The following MARCHF1 variants were observed in gnomAD, a reference collection of about 807,000 sequenced individuals.
MARCHF1 encodes membrane associated ring-CH-type finger 1.
A neutral mutation model predicts 54.2 loss-of-function variants in MARCHF1; 40 were observed. That is an observed-to-expected ratio of 0.74 (90% CI 0.57 to 0.96). The LOEUF (loss-of-function observed/expected upper bound fraction) is 0.96, where lower values mean the gene tolerates loss of function less well. Among genes scored for constraint, MARCHF1 ranks in the 40% least tolerant of loss-of-function variants. MARCHF1 has a pLI of 0.00. For synonymous variants in MARCHF1, 236 were observed against 236.3 expected, an observed-to-expected ratio of 1.00 and a Z score of 0.01; for missense variants, 586 against 656.5, an observed-to-expected ratio of 0.89 and a Z score of 1.17.
chr4:163,941,997 T>C (rs1225333103), intron 3 of MARCHF1, among the ~76,000 whole-genome samples: 1 of 152,170 alleles, frequency 6.6e-6, no homozygotes, highest in East Asian at 1.9e-4. Context: ...CCAAGTCAAA[T>C]ATTTGATACA....
intron 8 of MARCHF1, among the ~76,000 whole-genome samples, chr4:163,571,549 T>C (rs1235089395): frequency 6.6e-6 from 1 of 152,146 alleles, no homozygotes; most frequent in African/African-American, 2.4e-5. Context: ...AGCAATCTTT[T>C]GGGAAATAAT....
At chr4:164,160,485 T>C (rs1448909396) in intron 1 of MARCHF1, among the ~76,000 whole-genome samples, 1 of 152,202 alleles carries the variant, frequency 6.6e-6, no homozygotes, top group Non-Finnish European at 1.5e-5. Context: ...CCATAGGTCA[T>C]CACGTGGCAC....
chr4:164,330,187 A>C (rs1223444336), intron 1 of MARCHF1: 1 of 138,696 alleles, frequency 7.2e-6, no homozygotes, highest in East Asian at 2.9e-4. Context: ...AAAAAAAAAA[A>C]AACAAAAACA....
chr4:163,900,131 T>G (rs1244670516), intron 3 of MARCHF1, among the ~76,000 whole-genome samples: 2 of 152,140 alleles, frequency 1.3e-5, no homozygotes, highest in Non-Finnish European at 1.5e-5. Context: ...CTAATATTTA[T>G]TGTTTATCCA....
At chr4:163,949,374 G>C (rs546885175) in intron 3 of MARCHF1, among the ~76,000 whole-genome samples, 1 of 152,270 alleles carries the variant, frequency 6.6e-6, no homozygotes, top group South Asian at 2.1e-4. Flanking sequence ...CCCCAAAGAG[G>C]GTGTCACAGC....
intron 1 of MARCHF1, among the ~76,000 whole-genome samples, chr4:164,226,085 T>G (rs1732244616): frequency 1.3e-5 from 2 of 152,042 alleles, no homozygotes; most frequent in South Asian, 4.1e-4. Flanking sequence ...ATTTTCTTTT[T>G]TTCTCGTATT....
At chr4:164,185,809 C>CT (rs1730954307) in intron 1 of MARCHF1, among the ~76,000 whole-genome samples, 3 of 149,522 alleles carry the variant, frequency 2.0e-5, no homozygotes, top group African/African-American at 4.9e-5. Context: ...CACACACACA[C>CT]AAAAAAAAAA....
At chr4:164,275,879 T>C (rs1465205110) in intron 1 of MARCHF1, among the ~76,000 whole-genome samples, 1 of 152,202 alleles carries the variant, frequency 6.6e-6, no homozygotes, top group Non-Finnish European at 1.5e-5. Flanking sequence ...TGACATTGCC[T>C]TTTAGTTGGA....
At chr4:163,878,640 A>G (rs1338565894) in intron 3 of MARCHF1, among the ~76,000 whole-genome samples, 2 of 152,056 alleles carry the variant, frequency 1.3e-5, no homozygotes, top group African/African-American at 2.4e-5. Context: ...GATGGTGAGA[A>G]GGAATGTAGG....
At chr4:164,261,134 A>G (rs1448322015) in intron 1 of MARCHF1, among the ~76,000 whole-genome samples, 1 of 152,110 alleles carries the variant, frequency 6.6e-6, no homozygotes, top group Non-Finnish European at 1.5e-5. Context: ...GAGAAAGAGG[A>G]CTGGAACAGT....
intron 5 of MARCHF1, among the ~76,000 whole-genome samples, chr4:163,692,583 G>GAACTAA (rs1744498065): frequency 6.6e-6 from 1 of 151,752 alleles, no homozygotes; most frequent in Non-Finnish European, 1.5e-5. Context: ...CTGGATTATG[G>GAACTAA]CTCCTTGGCC....
In MARCHF1 at chr4:163,621,521, G is replaced by C. The variant is rs192880956; in HGVS notation, c.163-8128C>G. Among the ~76,000 whole-genome samples the C allele has an allele frequency of 1.1e-3, 174 of 152,256 alleles. 3 individuals carry two copies. The highest frequency in any genetic ancestry group is 2.8e-4 in the Non-Finnish European group (19 of 68,016). ...ATTTTTTTCTGAGATTTCAGTGAGA[G>C]AATATTTGTGAAAGCTTGATTTTTT... On this transcript the variant is annotated intron_variant, in intron 5 of 9. Transcript: ENST00000514618.
At chr4:163,909,141 AT>A (rs1384141651) in intron 3 of MARCHF1, among the ~76,000 whole-genome samples, 2 of 152,210 alleles carry the variant, frequency 1.3e-5, no homozygotes, top group Non-Finnish European at 1.5e-5. Flanking sequence ...GGAGTATAAT[AT>A]CCTTCTTTAA....
At chr4:163,778,114 G>A (rs1021365640) in intron 4 of MARCHF1, among the ~76,000 whole-genome samples, 31 of 152,202 alleles carry the variant, frequency 2.0e-4, no homozygotes, top group African/African-American at 7.2e-4. Context: ...CCTATTTATT[G>A]CTAAGCAGGA....
At chr4:163,782,669 C>CAAA (rs779917586) in intron 4 of MARCHF1, among the ~76,000 whole-genome samples, 20 of 108,330 alleles carry the variant, frequency 1.8e-4, no homozygotes, top group African/African-American at 5.7e-4. Flanking sequence ...ACTCCATCTC[C>CAAA]AAAAAAAAAA....
In MARCHF1 at chr4:163,715,265, A is replaced by G. The variant is rs537976942; in HGVS notation, c.112-14402T>C. On this transcript the variant is annotated intron_variant, in intron 4 of 9. Coordinates refer to ENST00000514618, the MANE Select transcript of MARCHF1 (RefSeq NM_001394959.1). ...TTTTATTTTACTTTATTTTATTTTG[A>G]GACGGAGTCTCGCTCTGTCACCCAG... is the stretch of plus-strand genomic sequence containing the variant. 2.8e-4 allele frequency among the ~76,000 whole-genome samples: 42 copies of G among 152,244 alleles called. 1 individual carries two copies. In the South Asian group the frequency reaches 8.3e-3, roughly 30 times the overall value.
chr4:164,238,587 A>G (rs1732635430), intron 1 of MARCHF1, among the ~76,000 whole-genome samples: 1 of 152,034 alleles, frequency 6.6e-6, no homozygotes, highest in Non-Finnish European at 1.5e-5. Flanking sequence ...TAAGAGATAA[A>G]AAAATCCATT....
chr4:164,308,626 A>C (rs1734760217), intron 1 of MARCHF1, among the ~76,000 whole-genome samples: 1 of 152,202 alleles, frequency 6.6e-6, no homozygotes. Context: ...AAAATAATTT[A>C]TAGAATTAAA....
chr4:163,573,133 C>T (rs907681912), intron 8 of MARCHF1, among the ~76,000 whole-genome samples: 2 of 151,918 alleles, frequency 1.3e-5, no homozygotes, highest in Non-Finnish European at 2.9e-5. Flanking sequence ...AGAAATGTTA[C>T]TTATTTTGCT....
Sources: gnomAD v4.1 joint callset for allele counts (sites outside exome capture counted in the v4.1 genomes callset) on GRCh38, gnomAD v4.1.1 for gene constraint, MANE v1.5 for transcripts, NCBI Gene and HGNC (gene_info 2026-07-23, HGNC 2026-07-21) for gene names.